Variants in TRIM44 observed in about 807,000 individuals in gnomAD.
TRIM44 encodes the protein tripartite motif-containing protein 44.
TRIM44 carries 13 observed loss-of-function variants against 37.4 expected under a neutral mutation model. The observed-to-expected ratio is 0.35, with a 90% CI of 0.23 to 0.55. The LOEUF (loss-of-function observed/expected upper bound fraction) is 0.55, where lower values mean the gene tolerates loss of function less well. Ranked by LOEUF, TRIM44 falls within the 20% of genes least tolerant of loss-of-function variation. TRIM44 has a pLI of 0.89. For missense variants in TRIM44, 426 were observed against 437.2 expected, an observed-to-expected ratio of 0.97 and a Z score of 0.23; for synonymous variants, 175 against 157.2, an observed-to-expected ratio of 1.11 and a Z score of -0.85.
chr11:35,712,087 A>G (rs1851981718), intron 2 of TRIM44, among the ~76,000 whole-genome samples: 2 of 152,068 alleles, frequency 1.3e-5, no homozygotes, highest in African/African-American at 4.8e-5. Context: ...TTGTTGGCTC[A>G]CTCACTCTGT....
rs777241555 is a variant in TRIM44, at chr11:35,692,922, CA to C, written c.747+7599del. On this transcript the variant is annotated intron_variant, in intron 2 of 4. Coordinates refer to ENST00000299413, the MANE Select transcript of TRIM44 (RefSeq NM_017583.6). The stretch of plus-strand genomic sequence containing the variant: ...TGGGCGACAGAGCAAGATTCCGTCT[CA>C]AAAAAAAAAAAAGAAAAAGAAAAAC... Among the ~76,000 whole-genome samples the C allele has an allele frequency of 4.0e-3, 464 of 116,642 alleles. 3 individuals are homozygous for C. Among genetic ancestry groups the C allele is most frequent in the African/African-American group, 9.0e-3 (284 of 31,494 alleles). 76.5% of individuals were successfully genotyped at this position (116,642 alleles called of 152,430 possible). A position where few individuals can be genotyped will look rare whatever the true frequency, so the allele number is the denominator to read the frequency against.
intron 4 of TRIM44, among the ~76,000 whole-genome samples, chr11:35,770,948 TA>T (rs1852861479): frequency 6.6e-6 from 1 of 152,200 alleles, no homozygotes; most frequent in African/African-American, 2.4e-5. Flanking sequence ...TAAGCCCAAT[TA>T]ACTCTCTTTT....
At chr11:35,782,549 A>T (rs1313938010) in intron 4 of TRIM44, among the ~76,000 whole-genome samples, 3 of 152,186 alleles carry the variant, frequency 2.0e-5, no homozygotes, top group African/African-American at 7.2e-5. Context: ...GATTCCCTGG[A>T]CATTTCCTTC....
chr11:35,789,240 A>G (rs1345735945), intron 4 of TRIM44, among the ~76,000 whole-genome samples: 2 of 152,128 alleles, frequency 1.3e-5, no homozygotes, highest in Admixed American at 6.5e-5. Context: ...CTAACTTCTC[A>G]TGTTAGGGTA....
chr11:35,663,396 A>T lies in TRIM44; in HGVS notation c.285A>T (p.Ala95=), dbSNP rs1186330468. 6.2e-7 allele frequency: 1 copy of T among 1,600,630 alleles called. No homozygotes were observed. Among genetic ancestry groups the T allele is most frequent in the East Asian group, 2.3e-5 (1 of 44,294 alleles). The change falls in exon 1 of 5, where the codon GCA becomes GCT. Residue 95 remains alanine, a synonymous_variant. Transcript: ENST00000299413. ...AGGAGAGGGAGATAGAAAGCGAGGC[A>T]GGGGAAGAGAGTGAGTCGGAGGAAG... The part of the protein sequence containing the change: ...VEQEREIESE[A]GEESESEEES...
chr11:35,671,018 TG>T (rs767457702), intron 1 of TRIM44, among the ~76,000 whole-genome samples: 1 of 152,204 alleles, frequency 6.6e-6, no homozygotes, highest in Non-Finnish European at 1.5e-5. Flanking sequence ...ACAGTAAAAG[TG>T]GCTTAGTGGG....
intron 4 of TRIM44, among the ~76,000 whole-genome samples, chr11:35,739,974 C>T (rs1221548617): frequency 6.6e-6 from 1 of 151,678 alleles, no homozygotes; most frequent in Non-Finnish European, 1.5e-5. Context: ...TGGCGTGTGC[C>T]TATAATCCCA....
At chr11:35,770,603 G>T (rs1394205742) in intron 4 of TRIM44, among the ~76,000 whole-genome samples, 1 of 152,090 alleles carries the variant, frequency 6.6e-6, no homozygotes, top group African/African-American at 2.4e-5. Flanking sequence ...GTGTGAGATG[G>T]TATCTCATTG....
chr11:35,730,088 G>A lies in TRIM44; in HGVS notation c.987+3925G>A, dbSNP rs147545792. ...TAAAAGACAAAGATTTTAACCTGCTGTTATAAGAATGTTTCAGTGAGCAAT... is the reference window on the plus strand; with the variant it reads ...TAAAAGACAAAGATTTTAACCTGCTATTATAAGAATGTTTCAGTGAGCAAT... On this transcript the variant is annotated intron_variant, in intron 3 of 4. Coordinates refer to ENST00000299413, the MANE Select transcript of TRIM44 (RefSeq NM_017583.6). Among the ~76,000 whole-genome samples the A allele has an allele frequency of 1.8e-3, 280 of 152,320 alleles. 2 individuals carry two copies. Among genetic ancestry groups the A allele is most frequent in the African/African-American group, 6.5e-3 (269 of 41,570 alleles).
chr11:35,666,884 G>A (rs1365867003), intron 1 of TRIM44, among the ~76,000 whole-genome samples: 1 of 152,172 alleles, frequency 6.6e-6, no homozygotes, highest in South Asian at 2.1e-4. Context: ...TAATTTATCT[G>A]TAGATTTATT....
intron 4 of TRIM44, among the ~76,000 whole-genome samples, chr11:35,761,401 C>A (rs1398357376): frequency 1.9e-3 from 127 of 67,108 alleles, no homozygotes; most frequent in East Asian, 6.4e-3. Context: ...CTCTCTCTCT[C>A]TCTCTATATA....
intron 1 of TRIM44, among the ~76,000 whole-genome samples, chr11:35,671,801 G>T (rs1025018630): frequency 6.6e-6 from 1 of 152,198 alleles, no homozygotes; most frequent in African/African-American, 2.4e-5. Flanking sequence ...CCTGGACATT[G>T]CTGTATTGCA....
intron 2 of TRIM44, among the ~76,000 whole-genome samples, chr11:35,725,721 C>A (rs550148763): frequency 1.4e-3 from 210 of 152,078 alleles, no homozygotes; most frequent in African/African-American, 4.9e-3. Context: ...AGAAATTACT[C>A]CCTGAAGAAT....
intron 4 of TRIM44, among the ~76,000 whole-genome samples, chr11:35,792,757 C>T (rs900483378): frequency 2.6e-5 from 4 of 152,140 alleles, no homozygotes; most frequent in Non-Finnish European, 5.9e-5. Context: ...TACAACATAA[C>T]GGTGCTGAGG....
At chr11:35,771,048 A>C (rs1172017852) in intron 4 of TRIM44, among the ~76,000 whole-genome samples, 1 of 152,172 alleles carries the variant, frequency 6.6e-6, no homozygotes, top group Non-Finnish European at 1.5e-5. Context: ...GCGTTGCTGA[A>C]AAGATACCTG....
intron 1 of TRIM44, among the ~76,000 whole-genome samples, chr11:35,673,416 G>A (rs1166028930): frequency 3.3e-5 from 5 of 152,340 alleles, no homozygotes; most frequent in African/African-American, 1.2e-4. Context: ...AGAAGGGTTA[G>A]TTGGCTCTGT....
chr11:35,809,509 A>T lies in TRIM44; in HGVS notation c.*3124A>T, dbSNP rs1405987908. On this transcript the variant is annotated 3_prime_UTR_variant, in exon 5 of 5. Transcript: ENST00000299413. Reference sequence around the variant, plus strand: ...CCCCTTTAGCAGATGCTTTAAGTACACATTGCTGACTTGAGCCCACCCCCA... The same window carrying T: ...CCCCTTTAGCAGATGCTTTAAGTACTCATTGCTGACTTGAGCCCACCCCCA... The T allele has an allele frequency of 6.6e-6, 1 of 152,144 alleles. No homozygotes were observed. Among genetic ancestry groups the T allele is most frequent in the Non-Finnish European group, 1.5e-5 (1 of 68,022 alleles). 9.4% of individuals were successfully genotyped at this position (152,144 alleles called of 1,614,324 possible). A position where few individuals can be genotyped will look rare whatever the true frequency, so the allele number is the denominator to read the frequency against.
intron 2 of TRIM44, among the ~76,000 whole-genome samples, chr11:35,701,366 A>G (rs769022186): frequency 4.6e-5 from 7 of 152,206 alleles, no homozygotes; most frequent in African/African-American, 1.2e-4. Flanking sequence ...ACGTTTAACT[A>G]TAGTGCTCTT....
chr11:35,764,403 A>G (rs1218297215), intron 4 of TRIM44, among the ~76,000 whole-genome samples: 1 of 152,172 alleles, frequency 6.6e-6, no homozygotes, highest in African/African-American at 2.4e-5. Context: ...TGGGATTTAG[A>G]TAACATTAAT....
Sources: allele counts gnomAD v4.1 joint callset (sites outside exome capture counted in the v4.1 genomes callset), GRCh38; gene constraint gnomAD v4.1.1; transcripts MANE v1.5; gene names NCBI Gene and HGNC (gene_info 2026-07-23, HGNC 2026-07-21).